The following SGTA variants were observed in gnomAD, a reference collection of about 807,000 sequenced individuals.
SGTA encodes the protein small glutamine-rich tetratricopeptide repeat-containing protein alpha.
Under a neutral mutation model 44.3 loss-of-function variants are expected in SGTA, and 22 were observed. The ratio of observed to expected loss-of-function variants is 0.50; its 90% CI spans 0.36 to 0.71. SGTA has a LOEUF of 0.71. Ranked by LOEUF, SGTA falls within the 30% of genes least tolerant of loss-of-function variation. The pLI is 0.00. For synonymous variants in SGTA, 174 were observed against 177.6 expected (o/e 0.98, Z 0.16); for missense variants, 341 against 435.9 (o/e 0.78, Z 1.94).
chr19:2,767,527 G>A lies in SGTA; in HGVS notation c.207+53C>T. 10 of 1,447,796 alleles carry A rather than the reference G, an allele frequency of 6.9e-6. No homozygotes were observed. Among genetic ancestry groups the A allele is most frequent in the Non-Finnish European group, 8.7e-6 (9 of 1,031,788 alleles). 89.7% of individuals were successfully genotyped at this position (1,447,796 alleles called of 1,614,324 possible). A position where few individuals can be genotyped will look rare whatever the true frequency, so the allele number is the denominator to read the frequency against. On this transcript the variant is annotated intron_variant, in intron 3 of 11. Coordinates refer to ENST00000221566, the MANE Select transcript of SGTA (RefSeq NM_003021.4). This position sits in a 1 kb window ranked among gnomAD's most constrained non-coding sequence, Gnocchi z 7.3. ...GCTCCTGGGGTCCCCAGGGCTGCCT[G>A]CTGTTGCTGTTCTTATTTTGGGGGC... is the stretch of plus-strand genomic sequence containing the variant.
intron 1 of SGTA, among the ~76,000 whole-genome samples, chr19:2,778,304 T>C (rs1033678008): frequency 3.3e-5 from 5 of 152,146 alleles, no homozygotes; most frequent in African/African-American, 1.2e-4. Context: ...CTTTGGTTCT[T>C]TGGTGTACCT....
chr19:2,772,093 T>C (rs1391149863), intron 1 of SGTA, among the ~76,000 whole-genome samples: 1 of 152,208 alleles, frequency 6.6e-6, no homozygotes, highest in African/African-American at 2.4e-5. Context: ...ACCTTATTCT[T>C]AGTTGCACTC....
At chr19:2,771,575 C>CGGG (rs5741784) in intron 1 of SGTA, among the ~76,000 whole-genome samples, 23 of 109,288 alleles carry the variant, frequency 2.1e-4, no homozygotes, top group African/African-American at 6.7e-4. Flanking sequence ...ACCTCCCCAT[C>CGGG]GGGGGGGGGG....
intron 1 of SGTA, among the ~76,000 whole-genome samples, chr19:2,772,315 T>C (rs1265896627): frequency 6.6e-6 from 1 of 152,234 alleles, no homozygotes; most frequent in East Asian, 1.9e-4. Flanking sequence ...GATAATTTCT[T>C]ATTCTTCTCT....
intron 1 of SGTA, chr19:2,770,791 G>C (rs1031528930): frequency 6.5e-6 from 1 of 153,254 alleles, no homozygotes; most frequent in Non-Finnish European, 1.5e-5. Context: ...GGTGAGGCTC[G>C]CTGGCCCCCA....
rs1003687815 is a variant in SGTA at position 2,765,758 on chromosome 19, G to A, written c.293-473C>T. Among the ~76,000 whole-genome samples the A allele has an allele frequency of 6.6e-6, 1 of 152,112 alleles. No homozygotes were observed. Among genetic ancestry groups the A allele is most frequent in the Non-Finnish European group, 1.5e-5 (1 of 68,012 alleles). ...AGGCATGGGTCCCAGCTGGTAGGACGGTAAAAACCCCAGCTGCTATCCTAG... is the reference window on the plus strand; with the variant it reads ...AGGCATGGGTCCCAGCTGGTAGGACAGTAAAAACCCCAGCTGCTATCCTAG... On this transcript the variant is annotated intron_variant, in intron 4 of 11. Coordinates refer to ENST00000221566, the MANE Select transcript of SGTA (RefSeq NM_003021.4). The surrounding 1 kb of genome is among the most constrained non-coding windows in gnomAD (Gnocchi z 5.5).
In SGTA at chr19:2,767,558, C is replaced by T. The variant is rs1915180554; in HGVS notation, c.207+22G>A. ...GCTGTTCTTATTTTGGGGGCAGTGG[C>T]TGGGGAAGCATCGAGGCTCACCTTG... On this transcript the variant is annotated intron_variant, in intron 3 of 11. Transcript: ENST00000221566. The surrounding 1 kb of genome is among the most constrained non-coding windows in gnomAD (Gnocchi z 7.3). 2 of 1,593,802 alleles carry T rather than the reference C, an allele frequency of 1.3e-6. No individual in the cohort carries two copies. Among genetic ancestry groups the T allele is most frequent in the East Asian group, 4.5e-5 (2 of 44,794 alleles).
chr19:2,759,515 C>T (rs12459369), intron 8 of SGTA: 163,801 of 559,532 alleles, frequency 0.29, 27,927 homozygotes, highest in East Asian at 0.64. Flanking sequence ...GTTTTGGGTT[C>T]CTGCTTCAGG....
intron 1 of SGTA, 33 bp from the exon 2 acceptor site, chr19:2,769,124 C>G: frequency 7.2e-7 from 1 of 1,383,404 alleles, no homozygotes; most frequent in Non-Finnish European, 1.0e-6. Flanking sequence ...CATCAGGCCC[C>G]CTCACACTCC....
chr19:2,761,649 T>C lies in SGTA; in HGVS notation c.637-127A>G. ...TTCTATCAACCCTGCGGCCAGAGGG[T>C]GCTTTGAGGCAGGCAGCACGAAGCA... On this transcript the variant is annotated intron_variant, in intron 7 of 11. Coordinates refer to ENST00000221566, the MANE Select transcript of SGTA (RefSeq NM_003021.4). This position sits in a 1 kb window ranked among gnomAD's most constrained non-coding sequence, Gnocchi z 5.7. 1 of 771,730 alleles carries C rather than the reference T, an allele frequency of 1.3e-6. No individual in the cohort carries two copies. Among genetic ancestry groups the C allele is most frequent in the East Asian group, 2.7e-5 (1 of 36,986 alleles). The allele number at this position is 771,730 out of a possible 1,614,324, so 47.8% of individuals were successfully genotyped here.
chr19:2,776,668 G>C (rs1915451920), intron 1 of SGTA, among the ~76,000 whole-genome samples: 1 of 152,210 alleles, frequency 6.6e-6, no homozygotes, highest in African/African-American at 2.4e-5. Context: ...ATTTATAACT[G>C]ATTAAGATGG....
intron 1 of SGTA, among the ~76,000 whole-genome samples, chr19:2,774,392 G>A (rs551345813): frequency 1.1e-4 from 17 of 152,338 alleles, no homozygotes; most frequent in South Asian, 2.1e-4. Context: ...GCAGCTGCGC[G>A]TTGCTCACTG....
intron 2 of SGTA, 60 bp downstream of exon 2, chr19:2,768,909 A>C: frequency 8.0e-7 from 1 of 1,255,134 alleles, no homozygotes; most frequent in Non-Finnish European, 1.2e-6. Flanking sequence ...AGGTGTCTAC[A>C]CGAGGCGACT....
intron 11 of SGTA, among the ~76,000 whole-genome samples, chr19:2,756,215 A>G (rs1002468578): frequency 1.3e-5 from 2 of 152,158 alleles, no homozygotes; most frequent in Non-Finnish European, 2.9e-5. Flanking sequence ...ACTATTAAAA[A>G]AAGAAAAGGA....
chr19:2,772,987 A>C (rs1249326910), intron 1 of SGTA, among the ~76,000 whole-genome samples: 1 of 35,762 alleles, frequency 2.8e-5, no homozygotes, highest in Non-Finnish European at 4.3e-5. Context: ...ACGCAGCCAC[A>C]CGGCAGGGAC....
chr19:2,780,749 T>C (rs1915554761), intron 1 of SGTA, among the ~76,000 whole-genome samples: 1 of 152,204 alleles, frequency 6.6e-6, no homozygotes, highest in African/African-American at 2.4e-5. Context: ...GTCACGTTCC[T>C]TGGGGAGGCC....
chr19:2,757,728 G>A lies in SGTA; in HGVS notation c.792C>T (p.Ser264=). 1 of 1,603,124 alleles carries A rather than the reference G, an allele frequency of 6.2e-7. No homozygotes were observed. Among genetic ancestry groups the A allele is most frequent in the South Asian group, 1.1e-5 (1 of 88,718 alleles). ...GNNPLGTPGT[S]PSQNDLASLI... ...GGCTGGCCAGGTCGTTCTGCGAGGG[G>A]CTGGTGCCGGGAGTTCCCAAGGGGT... is the stretch of plus-strand genomic sequence containing the variant. The change falls in exon 10 of 12, where the codon AGC becomes AGT. Residue 264 remains serine (S), a synonymous_variant. Transcript: ENST00000221566.
chr19:2,763,506 C>T lies in SGTA; in HGVS notation c.497+147G>A, dbSNP rs375734550. On this transcript the variant is annotated intron_variant, in intron 6 of 11. Transcript: ENST00000221566. The surrounding 1 kb of genome is among the most constrained non-coding windows in gnomAD (Gnocchi z 5.8). Reference sequence around the variant, plus strand: ...CTGTGACCTGTAGGGACTACGTTGGCTCCGAACAGCTAGTGTCAGAGTTGA... The same window carrying T: ...CTGTGACCTGTAGGGACTACGTTGGTTCCGAACAGCTAGTGTCAGAGTTGA... The T allele has an allele frequency of 1.7e-6, 1 of 587,150 alleles. No individual in the cohort carries two copies. The highest frequency in any genetic ancestry group is 1.9e-5 in the African/African-American group (1 of 53,894). 36.4% of individuals were successfully genotyped at this position (587,150 alleles called of 1,614,324 possible). A position where few individuals can be genotyped will look rare whatever the true frequency, so the allele number is the denominator to read the frequency against.
At chr19:2,768,457 G>C (rs755473438) in intron 2 of SGTA, among the ~76,000 whole-genome samples, 1 of 152,160 alleles carries the variant, frequency 6.6e-6, no homozygotes, top group South Asian at 2.1e-4. Flanking sequence ...GCAGCCACAC[G>C]AGGGTGCCTC....
Sources: allele counts gnomAD v4.1 joint callset (sites outside exome capture counted in the v4.1 genomes callset), GRCh38; gene constraint gnomAD v4.1.1; non-coding constraint Gnocchi (gnomAD v3.1); transcripts MANE v1.5; gene names NCBI Gene and HGNC (gene_info 2026-07-23, HGNC 2026-07-21).